Variants in PHC2 observed in about 807,000 individuals in gnomAD.
PHC2 encodes the protein polyhomeotic homolog 2, also known as polyhomeotic-like protein 2.
PHC2 carries 29 observed loss-of-function variants against 87.4 expected under a neutral mutation model. The ratio of observed to expected loss-of-function variants is 0.33; its 90% CI spans 0.25 to 0.45. The LOEUF (loss-of-function observed/expected upper bound fraction) is 0.45. Ranked by LOEUF, PHC2 falls within the 20% of genes least tolerant of loss-of-function variation. PHC2 has a pLI of 1.00. For synonymous variants in PHC2, 438 were observed against 461.7 expected (o/e 0.95, Z 0.66); for missense variants, 857 against 1,136.7 (o/e 0.75, Z 3.54).
In PHC2 at chr1:33,332,316, G is replaced by A. The variant is rs752414303; in HGVS notation, c.1850C>T (p.Thr617Ile). The change falls in exon 11 of 15, where the codon ACC becomes ATC. Residue 617 changes from threonine to isoleucine, a missense_variant. Transcript: ENST00000683057. This position sits in a 1 kb window ranked among gnomAD's most constrained non-coding sequence, Gnocchi z 4.2. ...LPEKLPQQDH[T>I]TTTDSEMEEP... ...CTCCATCTCCGAGTCAGTGGTGGTG[G>A]TGTGATCCTGCTGTGGAAGTTTCTC... 1.4e-5 allele frequency: 22 copies of A among 1,614,160 alleles called. No homozygotes were observed. The highest frequency in any genetic ancestry group is 1.9e-5 in the Non-Finnish European group (22 of 1,180,014).
At chr1:33,326,996 G>A (rs1646385911) in intron 14 of PHC2, among the ~76,000 whole-genome samples, 1 of 152,100 alleles carries the variant, frequency 6.6e-6, no homozygotes, top group Non-Finnish European at 1.5e-5. Flanking sequence ...TAAAAAGGAG[G>A]AAGCAGGCTG....
chr1:33,337,983 C>T (rs1646672802), intron 9 of PHC2, among the ~76,000 whole-genome samples: 1 of 152,210 alleles, frequency 6.6e-6, no homozygotes, highest in African/African-American at 2.4e-5. Context: ...TTAATCCATT[C>T]TCCTCTTAAT....
Position 33,334,125 on chromosome 1 carries a change from C to T in PHC2, c.1726G>A (p.Gly576Arg). Residue 576 changes from glycine (G) to arginine (R), a missense_variant, in exon 10 of 15, where the codon GGG becomes AGG. This residue lies in a region of PHC2 where 832 missense variants were observed against 1,081.8 expected (regional missense o/e 0.77). Coordinates refer to ENST00000683057, the MANE Select transcript of PHC2 (RefSeq NM_001385109.1). The surrounding 1 kb of genome is among the most constrained non-coding windows in gnomAD (Gnocchi z 5.5). ...KPQILTHVIE[G>R]FVIQEGAEPF... ...TCCGCCCCCTCCTGGATCACAAACC[C>T]TTCGATAACATGCGTCAGGATTTGG... 6.2e-7 allele frequency: 1 copy of T among 1,613,744 alleles called. No homozygotes were observed. The highest frequency in any genetic ancestry group is 8.5e-7 in the Non-Finnish European group (1 of 1,179,892).
rs138667391 is a variant in PHC2 at position 33,350,744 on chromosome 1, C to A, written c.1558+3657G>T. On this transcript the variant is annotated intron_variant, in intron 9 of 14. Transcript: ENST00000683057. Reference sequence around the variant, plus strand: ...CCCCTTTCCACTCTCAGGCCTCATCCCATCTTCTTTGTTTACATTTATTTT... The same window carrying A: ...CCCCTTTCCACTCTCAGGCCTCATCACATCTTCTTTGTTTACATTTATTTT... Among the ~76,000 whole-genome samples, 145 of 152,218 alleles carry A rather than the reference C, an allele frequency of 9.5e-4. 4 individuals are homozygous for A. In the East Asian group the frequency reaches 0.024, roughly 25 times the overall value.
intron 1 of PHC2, among the ~76,000 whole-genome samples, chr1:33,420,173 C>T (rs1384940910): frequency 6.6e-6 from 1 of 152,188 alleles, no homozygotes; most frequent in Non-Finnish European, 1.5e-5. Context: ...CTCTCTACAA[C>T]AAACCTGTTA....
In PHC2 at chr1:33,349,550, C is replaced by T. The variant is rs1646918159; in HGVS notation, c.1558+4851G>A. The T allele has an allele frequency of 2.0e-6, 2 of 982,296 alleles. No homozygotes were observed. The highest frequency in any genetic ancestry group is 6.2e-5 in the Admixed American group (1 of 16,214). 60.8% of individuals were successfully genotyped at this position (982,296 alleles called of 1,614,324 possible). On this transcript the variant is annotated intron_variant, in intron 9 of 14. Transcript: ENST00000683057. The surrounding 1 kb of genome is among the most constrained non-coding windows in gnomAD (Gnocchi z 4.2). ...GACTTCCAGTGCGGCGAGCGCGGCC[C>T]CCGGCCTCCCTACTGGCGAGAACCC...
Position 33,332,592 on chromosome 1 carries a change from A to C in PHC2, c.1762-188T>G, listed in dbSNP as rs1220534157. On this transcript the variant is annotated intron_variant, in intron 10 of 14. Coordinates refer to ENST00000683057, the MANE Select transcript of PHC2 (RefSeq NM_001385109.1). The surrounding 1 kb of genome is among the most constrained non-coding windows in gnomAD (Gnocchi z 4.2). Reference sequence around the variant, plus strand: ...ATTTTGCTGGTTGGCTCACGAGGTAAGATGCTAATGGGCAAAGTACAGGGA... The same window carrying C: ...ATTTTGCTGGTTGGCTCACGAGGTACGATGCTAATGGGCAAAGTACAGGGA... The C allele has an allele frequency of 1.5e-6, 1 of 651,234 alleles. No homozygotes were observed. The highest frequency in any genetic ancestry group is 1.8e-5 in the African/African-American group (1 of 54,928). The allele number at this position is 651,234 out of a possible 1,614,324, so 40.3% of individuals were successfully genotyped here.
intron 1 of PHC2, among the ~76,000 whole-genome samples, chr1:33,407,827 A>C (rs1168441886): frequency 6.6e-6 from 1 of 152,270 alleles, no homozygotes; most frequent in African/African-American, 2.4e-5. Flanking sequence ...CTTTAAAAAA[A>C]TGGTACAATC....
chr1:33,403,371 C>T (rs1018349735), intron 1 of PHC2, among the ~76,000 whole-genome samples: 9 of 151,996 alleles, frequency 5.9e-5, no homozygotes, highest in Admixed American at 3.9e-4. Context: ...GTGATCCACC[C>T]GCCTCGGCCT....
At chr1:33,408,237 G>C (rs1246054791) in intron 1 of PHC2, among the ~76,000 whole-genome samples, 1 of 152,124 alleles carries the variant, frequency 6.6e-6, no homozygotes, top group Non-Finnish European at 1.5e-5. Flanking sequence ...GTCTATTTTT[G>C]TCACATCACG....
intron 1 of PHC2, among the ~76,000 whole-genome samples, chr1:33,383,584 T>C (rs1415139693): frequency 6.6e-6 from 1 of 152,160 alleles, no homozygotes; most frequent in East Asian, 1.9e-4. Flanking sequence ...AAAAGAAGGA[T>C]TTGCTGTCTT....
chr1:33,349,499 C>A lies in PHC2; in HGVS notation c.1558+4902G>T. The A allele has an allele frequency of 1.0e-6, 1 of 985,172 alleles. No homozygotes were observed. The highest frequency in any genetic ancestry group is 1.7e-5 in the African/African-American group (1 of 57,300). 61.0% of individuals were successfully genotyped at this position (985,172 alleles called of 1,614,324 possible). ...GCCTGGCAGCCGCGTAGGCCCGGGC[C>A]GTTAGGGGCACCGAGGGCGGTGCCC... On this transcript the variant is annotated intron_variant, in intron 9 of 14. Coordinates refer to ENST00000683057, the MANE Select transcript of PHC2 (RefSeq NM_001385109.1). The surrounding 1 kb of genome is among the most constrained non-coding windows in gnomAD (Gnocchi z 4.2).
chr1:33,354,242 T>G (rs1292702529), intron 9 of PHC2, among the ~76,000 whole-genome samples, 159 bp downstream of exon 9: 5 of 152,204 alleles, frequency 3.3e-5, no homozygotes, highest in Non-Finnish European at 5.9e-5. Flanking sequence ...ACTTTATCCC[T>G]GGTTCATCTT....
At chr1:33,375,149 A>T (rs1337144092) in intron 2 of PHC2, among the ~76,000 whole-genome samples, 1 of 152,122 alleles carries the variant, frequency 6.6e-6, no homozygotes, top group Non-Finnish European at 1.5e-5. Flanking sequence ...TCTGCCCTTT[A>T]TACTTTCACA....
intron 1 of PHC2, among the ~76,000 whole-genome samples, chr1:33,411,557 T>C (rs1404941491): frequency 1.3e-5 from 2 of 152,132 alleles, no homozygotes; most frequent in African/African-American, 4.8e-5. Context: ...GATCATCTTT[T>C]AGTTTTATTT....
intron 14 of PHC2, 72 bp from the exon 15 acceptor site, chr1:33,325,091 G>C: frequency 7.2e-7 from 1 of 1,390,962 alleles, no homozygotes; most frequent in Non-Finnish European, 9.8e-7. Flanking sequence ...ACTGCATCTA[G>C]TTATCTAGAT....
At chr1:33,355,367 CTT>C (rs1570477566) in intron 7 of PHC2, 114 bp from the exon 8 acceptor site, 1 of 909,930 alleles carries the variant, frequency 1.1e-6, no homozygotes, top group East Asian at 2.6e-5. Context: ...TTCAATGTCT[CTT>C]GTTTTCATCT....
intron 1 of PHC2, among the ~76,000 whole-genome samples, chr1:33,385,200 C>T (rs937622496): frequency 6.6e-6 from 1 of 152,176 alleles, no homozygotes. Context: ...GGACTAGACC[C>T]AGTCACACAT....
chr1:33,375,187 G>T (rs1648099235), intron 2 of PHC2, among the ~76,000 whole-genome samples, 179 bp downstream of exon 2: 1 of 152,088 alleles, frequency 6.6e-6, no homozygotes, highest in South Asian at 2.1e-4. Flanking sequence ...CCTTGATTGG[G>T]CCATTTTGCA....
Sources: allele counts gnomAD v4.1 joint callset (sites outside exome capture counted in the v4.1 genomes callset), GRCh38; gene constraint gnomAD v4.1.1; regional missense constraint gnomAD v4.1.1; non-coding constraint Gnocchi (gnomAD v3.1); transcripts MANE v1.5; gene names NCBI Gene and HGNC (gene_info 2026-07-23, HGNC 2026-07-21).